PTK2: variants seen among roughly 807,000 people sequenced by gnomAD.
The protein encoded by PTK2 is focal adhesion kinase 1.
In PTK2, 45 loss-of-function variants were observed where a neutral mutation model predicts 150.1. The ratio of observed to expected loss-of-function variants is 0.30; its 90% confidence interval spans 0.24 to 0.38. PTK2 has a LOEUF of 0.38. Among genes scored for constraint, PTK2 ranks in the 10% least tolerant of loss-of-function variants. The pLI is 1.00. For missense variants in PTK2, 919 were observed against 1,307.3 expected (o/e 0.70, Z 4.58); for synonymous variants, 432 against 449.2 (o/e 0.96, Z 0.48).
At chr8:140,754,274 T>C (rs1412141507) in intron 16 of PTK2, among the ~76,000 whole-genome samples, 1 of 152,234 alleles carries the variant, frequency 6.6e-6, no homozygotes, top group Non-Finnish European at 1.5e-5. Context: ...GAGCACAGAA[T>C]ACCCTATCTA....
intron 2 of PTK2, among the ~76,000 whole-genome samples, chr8:140,896,788 CG>C (rs60747008): frequency 0.085 from 5,745 of 67,340 alleles, 361 homozygotes; most frequent in African/African-American, 0.19. Flanking sequence ...CCCAAAAAAA[CG>C]GGGGGGGGGG....
intron 7 of PTK2, among the ~76,000 whole-genome samples, chr8:140,839,969 C>T (rs1259387567): frequency 6.6e-6 from 1 of 152,118 alleles, no homozygotes; most frequent in East Asian, 1.9e-4. Flanking sequence ...CTTGTCATAA[C>T]AGAGTATCTT....
intron 5 of PTK2, among the ~76,000 whole-genome samples, chr8:140,855,522 G>A (rs1444954802): frequency 6.6e-6 from 1 of 152,074 alleles, no homozygotes; most frequent in South Asian, 2.1e-4. Flanking sequence ...CTGAACCCAG[G>A]AGGCGGAGGT....
chr8:140,752,189 T>G, intron 17 of PTK2, 43 bp downstream of exon 20: 1 of 1,487,136 alleles, frequency 6.7e-7, no homozygotes. Flanking sequence ...ATTTCACAGA[T>G]AGAAAGTCAA....
At chr8:140,844,883 T>G (rs2100124421) in intron 7 of PTK2, among the ~76,000 whole-genome samples, 1 of 152,176 alleles carries the variant, frequency 6.6e-6, no homozygotes, top group Admixed American at 6.5e-5. Flanking sequence ...AAAATCAACA[T>G]GCTCCGAGTA....
At chr8:140,860,081 A>G (rs1179303959) in intron 5 of PTK2, among the ~76,000 whole-genome samples, 3 of 152,200 alleles carry the variant, frequency 2.0e-5, no homozygotes, top group Admixed American at 6.5e-5. Context: ...GGTTTTATAC[A>G]TGGCCTGTTT....
At chr8:140,965,680 C>T (rs2100185014) in intron 1 of PTK2, among the ~76,000 whole-genome samples, 1 of 152,168 alleles carries the variant, frequency 6.6e-6, no homozygotes, top group African/African-American at 2.4e-5. Context: ...AGTTCGAGAC[C>T]AGCCTGGCCA....
intron 4 of PTK2, among the ~76,000 whole-genome samples, chr8:140,864,814 T>C (rs1751024404): frequency 6.6e-6 from 1 of 152,254 alleles, no homozygotes; most frequent in African/African-American, 2.4e-5. Flanking sequence ...CAAACCAACA[T>C]CACCAGAATG....
Position 140,766,553 on chromosome 8 carries a change from A to T in PTK2, c.1178-2263T>A, listed in dbSNP as rs954753534. Among the ~76,000 whole-genome samples the T allele has an allele frequency of 2.6e-5, 4 of 152,218 alleles. No individual in the cohort carries two copies. The East Asian group carries it at 7.7e-4, about 29-fold the overall frequency. On this transcript the variant is annotated intron_variant, in intron 14 of 31. Coordinates refer to ENST00000522684, the Ensembl canonical transcript of PTK2. ...CCCACCTCTCTAGAATGGAACAGCCACCAGAGTGGAACCTTCACGTATCTT... is the reference window on the plus strand; with the variant it reads ...CCCACCTCTCTAGAATGGAACAGCCTCCAGAGTGGAACCTTCACGTATCTT...
At chr8:140,846,510 T>C in intron 6 of PTK2, 89 bp downstream of exon 6, 2 of 1,234,918 alleles carry the variant, frequency 1.6e-6, no homozygotes, top group Non-Finnish European at 2.3e-6. Context: ...CTGATAATCC[T>C]TATGAAGAAA....
chr8:140,703,112 G>A (rs374775311), intron 24 of PTK2, among the ~76,000 whole-genome samples: 2 of 152,086 alleles, frequency 1.3e-5, no homozygotes, highest in Non-Finnish European at 2.9e-5. Context: ...TTGGGAGGCC[G>A]AGGCAGGCGG....
intron 16 of PTK2, among the ~76,000 whole-genome samples, chr8:140,755,472 C>T (rs887968531): frequency 6.6e-6 from 1 of 152,218 alleles, no homozygotes; most frequent in Non-Finnish European, 1.5e-5. Context: ...TGCCCCGCCT[C>T]ATGGCCTTTG....
At chr8:140,808,039 T>C (rs2100099127) in intron 10 of PTK2, among the ~76,000 whole-genome samples, 1 of 152,116 alleles carries the variant, frequency 6.6e-6, no homozygotes, top group Admixed American at 6.5e-5. Context: ...GACAATGCAG[T>C]TAGATAATCT....
chr8:140,826,872 C>T (rs972462164), intron 8 of PTK2, among the ~76,000 whole-genome samples: 2 of 152,012 alleles, frequency 1.3e-5, no homozygotes, highest in Non-Finnish European at 2.9e-5. Flanking sequence ...GAGCCAAGAT[C>T]GCGCCAATGC....
intron 1 of PTK2, among the ~76,000 whole-genome samples, chr8:140,981,975 T>C (rs961606499): frequency 6.6e-6 from 1 of 152,104 alleles, no homozygotes; most frequent in African/African-American, 2.4e-5. Flanking sequence ...TTCTTTTGTA[T>C]TTCTTCAGTT....
intron 7 of PTK2, among the ~76,000 whole-genome samples, chr8:140,835,621 T>C (rs2100118255): frequency 6.6e-6 from 1 of 152,198 alleles, no homozygotes; most frequent in Non-Finnish European, 1.5e-5. Context: ...AGTTGTCTTT[T>C]GGCCAGGTAA....
At chr8:140,777,108 C>G (rs1325778735) in intron 14 of PTK2, among the ~76,000 whole-genome samples, 1 of 152,166 alleles carries the variant, frequency 6.6e-6, no homozygotes, top group Non-Finnish European at 1.5e-5. Flanking sequence ...CCTGATTAAG[C>G]CTGCCAAACT....
chr8:140,914,634 G>A (rs1286776777), intron 2 of PTK2, among the ~76,000 whole-genome samples: 3 of 151,718 alleles, frequency 2.0e-5, no homozygotes, highest in Non-Finnish European at 4.4e-5. Context: ...TAGAACAAGT[G>A]TTTTTTTAAT....
chr8:140,688,157 C>T (rs1369210073), intron 26 of PTK2, among the ~76,000 whole-genome samples: 1 of 152,166 alleles, frequency 6.6e-6, no homozygotes, highest in Non-Finnish European at 1.5e-5. Flanking sequence ...GAATAGACAG[C>T]CCTGACAGCA....
Sources: allele counts gnomAD v4.1 joint callset (sites outside exome capture counted in the v4.1 genomes callset), GRCh38; gene constraint gnomAD v4.1.1; transcripts MANE v1.5; gene names NCBI Gene and HGNC (gene_info 2026-07-23, HGNC 2026-07-21).